The following CRADD variants were observed in gnomAD, a reference collection of about 807,000 sequenced individuals.
CRADD encodes the protein death domain-containing protein CRADD.
Under a neutral mutation model 15.5 loss-of-function variants are expected in CRADD, and 9 were observed. The ratio of observed to expected loss-of-function variants is 0.58; its 90% CI spans 0.35 to 1.01. The LOEUF is 1.01. Among genes scored for constraint, CRADD ranks in the 50% least tolerant of loss-of-function variants. CRADD has a pLI of 0.02. For missense variants in CRADD, 227 were observed against 250.3 expected (o/e 0.91, Z 0.63); for synonymous variants, 118 against 107.6 (o/e 1.10, Z -0.60).
intron 2 of CRADD, among the ~76,000 whole-genome samples, chr12:93,684,269 G>C (rs901976895): frequency 1.4e-4 from 21 of 152,194 alleles, no homozygotes; most frequent in African/African-American, 4.8e-4. Context: ...TTCAACCAAC[G>C]GGAGAGTTGG....
chr12:93,843,521 A>C (rs1958075160), intron 2 of CRADD, among the ~76,000 whole-genome samples: 1 of 150,962 alleles, frequency 6.6e-6, no homozygotes, highest in South Asian at 2.1e-4. Flanking sequence ...CTGGGAATAC[A>C]GGTGCCCGCC....
chr12:93,797,024 C>T (rs563387306), intron 2 of CRADD, among the ~76,000 whole-genome samples: 8 of 152,230 alleles, frequency 5.3e-5, no homozygotes, highest in Non-Finnish European at 7.4e-5. Flanking sequence ...TACAAATATT[C>T]GGAGGTGGGG....
intron 2 of CRADD, among the ~76,000 whole-genome samples, chr12:93,785,597 T>A (rs1016934892): frequency 4.6e-5 from 7 of 152,174 alleles, no homozygotes; most frequent in Non-Finnish European, 8.8e-5. Flanking sequence ...GCTGAGTGAT[T>A]TATTTATAGG....
intron 2 of CRADD, among the ~76,000 whole-genome samples, chr12:93,745,051 T>C (rs1052009693): frequency 6.6e-6 from 1 of 152,232 alleles, no homozygotes; most frequent in Non-Finnish European, 1.5e-5. Context: ...CTGACCTAGC[T>C]GCCACTTACT....
In CRADD at chr12:93,739,333, G is replaced by GAT. The variant is rs10559578; in HGVS notation, c.298+60276_298+60277dup. Among the ~76,000 whole-genome samples, 78 of 150,346 alleles carry GAT rather than the reference G, an allele frequency of 5.2e-4. No individual in the cohort carries two copies. The Middle Eastern group carries it at 0.021, about 40-fold the overall frequency. ...GGTTGGTACCCACTAATCTTAACAG[G>GAT]ATATATATATATATATCTAAAGTAT... On this transcript the variant is annotated intron_variant, in intron 2 of 2. Coordinates refer to ENST00000332896, the MANE Select transcript of CRADD (RefSeq NM_003805.5).
intron 2 of CRADD, among the ~76,000 whole-genome samples, chr12:93,761,775 C>A (rs1426798485): frequency 6.6e-6 from 1 of 152,204 alleles, no homozygotes; most frequent in East Asian, 1.9e-4. Context: ...AGTTTCATTT[C>A]ATGACAAATA....
At chr12:93,838,554 CTT>C (rs1230618946) in intron 2 of CRADD, among the ~76,000 whole-genome samples, 1 of 115,582 alleles carries the variant, frequency 8.7e-6, no homozygotes, top group East Asian at 4.1e-4. Context: ...TTGCTTCTCT[CTT>C]TCTCTCTCTT....
intron 2 of CRADD, among the ~76,000 whole-genome samples, chr12:93,804,636 C>T (rs749795727): frequency 9.2e-5 from 14 of 152,064 alleles, no homozygotes; most frequent in Non-Finnish European, 1.3e-4. Context: ...ATTTTGTTTC[C>T]TTCTAAATCA....
chr12:93,850,530 T>G lies in CRADD; in HGVS notation c.*259T>G. 1 of 1,175,530 alleles carries G rather than the reference T, an allele frequency of 8.5e-7. No individual in the cohort carries two copies. Among genetic ancestry groups the G allele is most frequent in the Non-Finnish European group, 1.1e-6 (1 of 948,266 alleles). The allele number at this position is 1,175,530 out of a possible 1,614,324, so 72.8% of individuals were successfully genotyped here. ...GTTGTAATTGTTCAGTTTTTAAATG[T>G]GTAATGGCATTTTAATAGACTAGTA... On this transcript the variant is annotated 3_prime_UTR_variant, in exon 3 of 3. Coordinates refer to ENST00000332896, the MANE Select transcript of CRADD (RefSeq NM_003805.5). This position sits in a 1 kb window ranked among gnomAD's most constrained non-coding sequence, Gnocchi z 4.0.
intron 2 of CRADD, among the ~76,000 whole-genome samples, chr12:93,800,260 A>T (rs1957462795): frequency 6.6e-6 from 1 of 152,102 alleles, no homozygotes; most frequent in African/African-American, 2.4e-5. Flanking sequence ...TCAGTGTTGG[A>T]ATGTCCAAGA....
At chr12:93,750,162 A>G (rs996235808) in intron 2 of CRADD, among the ~76,000 whole-genome samples, 1 of 152,194 alleles carries the variant, frequency 6.6e-6, no homozygotes, top group African/African-American at 2.4e-5. Context: ...AACTTCGGGC[A>G]TATAAATCTG....
chr12:93,804,893 C>T (rs1003675811), intron 2 of CRADD, among the ~76,000 whole-genome samples: 1 of 152,072 alleles, frequency 6.6e-6, no homozygotes, highest in Non-Finnish European at 1.5e-5. Context: ...CCTCCCTGAT[C>T]TTAACTTCCC....
intron 2 of CRADD, among the ~76,000 whole-genome samples, chr12:93,889,334 A>G (rs574530301): frequency 9.8e-5 from 15 of 152,298 alleles, no homozygotes; most frequent in African/African-American, 3.4e-4. Context: ...TGCAATGCCA[A>G]GCAGTGACAG....
chr12:93,711,055 C>CCCCCCTTT, intron 2 of CRADD, among the ~76,000 whole-genome samples: 49 of 43,506 alleles, frequency 1.1e-3, no homozygotes, highest in Non-Finnish European at 1.6e-3. Context: ...CCACCCCCGC[C>CCCCCCTTT]TTTTTTTTTT....
chr12:93,762,630 T>C (rs1956979701), intron 2 of CRADD, among the ~76,000 whole-genome samples: 1 of 152,218 alleles, frequency 6.6e-6, no homozygotes, highest in Admixed American at 6.5e-5. Context: ...TATTTGGGAC[T>C]GCTAACATAT....
At chr12:93,888,298 G>A (rs567640018) in intron 2 of CRADD, among the ~76,000 whole-genome samples, 9 of 152,076 alleles carry the variant, frequency 5.9e-5, no homozygotes, top group South Asian at 2.1e-4. Context: ...GGTGGTGGGC[G>A]CTTGTAGTCT....
intron 2 of CRADD, among the ~76,000 whole-genome samples, chr12:93,696,280 C>T (rs562615642): frequency 5.3e-5 from 8 of 152,310 alleles, no homozygotes; most frequent in Middle Eastern, 3.4e-3. Flanking sequence ...GAGATAGCTA[C>T]ACTTTCATGT....
chr12:93,789,568 CAG>C (rs1957325936), intron 2 of CRADD, among the ~76,000 whole-genome samples: 1 of 152,022 alleles, frequency 6.6e-6, no homozygotes, highest in Non-Finnish European at 1.5e-5. Context: ...GGAAGCAGCT[CAG>C]TGTTTGCTGG....
downstream of CRADD, among the ~76,000 whole-genome samples, chr12:93,854,222 C>CT (rs5800121): frequency 0.27 from 41,499 of 151,858 alleles, 5,823 homozygotes; most frequent in East Asian, 0.45. Flanking sequence ...CTGTGGTCAG[C>CT]TGGTGGGTTG....
Sources: gnomAD v4.1 joint callset for allele counts (sites outside exome capture counted in the v4.1 genomes callset) on GRCh38, gnomAD v4.1.1 for gene constraint, Gnocchi (gnomAD v3.1) non-coding constraint, MANE v1.5 for transcripts, NCBI Gene and HGNC (gene_info 2026-07-23, HGNC 2026-07-21) for gene names.